The following CTNNA3 variants were observed in gnomAD, a reference collection of about 807,000 sequenced individuals.
CTNNA3 encodes catenin alpha-3.
A neutral mutation model predicts 95.7 loss-of-function variants in CTNNA3; 76 were observed. The observed-to-expected ratio is 0.79, with a 90% CI of 0.66 to 0.96. The LOEUF (loss-of-function observed/expected upper bound fraction) is 0.96. Ranked by LOEUF, CTNNA3 falls within the 40% of genes least tolerant of loss-of-function variation. CTNNA3 has a pLI of 0.00. For synonymous variants in CTNNA3, 431 were observed against 374.4 expected, an observed-to-expected ratio of 1.15 and a Z score of -1.74; for missense variants, 1,191 against 1,089.8, an observed-to-expected ratio of 1.09 and a Z score of -1.31.
chr10:66,908,817 T>C (rs1376480819), intron 7 of CTNNA3, among the ~76,000 whole-genome samples: 1 of 152,132 alleles, frequency 6.6e-6, no homozygotes, highest in Non-Finnish European at 1.5e-5. Context: ...ATGCTAGCAC[T>C]CCCTACACAC....
chr10:66,114,964 G>A (rs10996904), intron 13 of CTNNA3, among the ~76,000 whole-genome samples: 33,256 of 149,270 alleles, frequency 0.22, 3,839 homozygotes, highest in African/African-American at 0.28. Context: ...AATATTATAA[G>A]TGACTTTTCC....
At chr10:66,496,917 T>C (rs1239310345) in intron 11 of CTNNA3, among the ~76,000 whole-genome samples, 1 of 152,094 alleles carries the variant, frequency 6.6e-6, no homozygotes, top group Non-Finnish European at 1.5e-5. Context: ...GTTGAAAGGG[T>C]TTGTTTTCTC....
chr10:66,357,224 A>G (rs2092617904), intron 12 of CTNNA3, among the ~76,000 whole-genome samples: 1 of 152,140 alleles, frequency 6.6e-6, no homozygotes, highest in Non-Finnish European at 1.5e-5. Context: ...GAAACTGTCC[A>G]GGCCTGGAGT....
chr10:67,442,342 A>G (rs914560444), intron 5 of CTNNA3, among the ~76,000 whole-genome samples: 2 of 152,150 alleles, frequency 1.3e-5, no homozygotes, highest in Non-Finnish European at 2.9e-5. Context: ...CAAAATAACA[A>G]TAAGTCCTTA....
At chr10:67,742,243 A>G (rs753191125) in intron 1 of CTNNA3, among the ~76,000 whole-genome samples, 1 of 151,294 alleles carries the variant, frequency 6.6e-6, no homozygotes, top group Non-Finnish European at 1.5e-5. Flanking sequence ...TTTACCACAT[A>G]GTTGGAAGTA....
chr10:67,449,682 T>G (rs1846893543), intron 5 of CTNNA3, among the ~76,000 whole-genome samples: 1 of 152,102 alleles, frequency 6.6e-6, no homozygotes, highest in Non-Finnish European at 1.5e-5. Context: ...AAGACTTAAA[T>G]GTAAAATCCA....
intron 7 of CTNNA3, among the ~76,000 whole-genome samples, chr10:67,105,330 T>C (rs1280418468): frequency 6.6e-6 from 1 of 152,088 alleles, no homozygotes; most frequent in African/African-American, 2.4e-5. Context: ...ATTATTTCTC[T>C]AGAGAGAAAC....
intron 13 of CTNNA3, among the ~76,000 whole-genome samples, chr10:66,106,099 C>T (rs529085180): frequency 2.0e-5 from 3 of 151,564 alleles, no homozygotes; most frequent in East Asian, 2.0e-4. Context: ...CCCAGCTGCT[C>T]GGGAGGCTGA....
At chr10:67,493,217 A>C (rs1402121043) in intron 5 of CTNNA3, among the ~76,000 whole-genome samples, 1 of 151,896 alleles carries the variant, frequency 6.6e-6, no homozygotes. Flanking sequence ...GGGGGAAAAA[A>C]AAAAAAAAGC....
intron 12 of CTNNA3, among the ~76,000 whole-genome samples, chr10:66,354,748 T>C (rs2092595866): frequency 6.6e-6 from 1 of 152,072 alleles, no homozygotes; most frequent in African/African-American, 2.4e-5. Context: ...TCTAAGTCTG[T>C]CACTGTGGGC....
At chr10:66,663,852 A>G (rs574374044) in intron 9 of CTNNA3, among the ~76,000 whole-genome samples, 1 of 152,294 alleles carries the variant, frequency 6.6e-6, no homozygotes, top group African/African-American at 2.4e-5. Context: ...TAAAATTGTT[A>G]CACTGTGAAT....
intron 17 of CTNNA3, among the ~76,000 whole-genome samples, chr10:65,926,513 G>A (rs1245263487): frequency 7.8e-6 from 1 of 128,536 alleles, no homozygotes; most frequent in Non-Finnish European, 1.6e-5. Flanking sequence ...TTTCACTCTT[G>A]TTGCCCAGGC....
intron 11 of CTNNA3, among the ~76,000 whole-genome samples, chr10:66,485,976 G>GA (rs1290464171): frequency 2.6e-5 from 4 of 152,142 alleles, no homozygotes; most frequent in Non-Finnish European, 5.9e-5. Context: ...ACACAATGGG[G>GA]AAAGAACAGT....
intron 5 of CTNNA3, among the ~76,000 whole-genome samples, chr10:67,367,609 C>T (rs1168353192): frequency 2.0e-5 from 3 of 152,160 alleles, no homozygotes; most frequent in Non-Finnish European, 4.4e-5. Context: ...AAAAGACACA[C>T]ACACCCAGAT....
intron 11 of CTNNA3, among the ~76,000 whole-genome samples, chr10:66,393,154 A>G (rs907285934): frequency 6.6e-6 from 1 of 152,172 alleles, no homozygotes; most frequent in African/African-American, 2.4e-5. Context: ...TACATACTGT[A>G]TGATTGCAAT....
chr10:67,594,676 A>G (rs534930823), intron 3 of CTNNA3, among the ~76,000 whole-genome samples: 6 of 151,910 alleles, frequency 3.9e-5, no homozygotes, highest in African/African-American at 1.4e-4. Flanking sequence ...TAGTCTATCA[A>G]TCTTATTTGT....
intron 3 of CTNNA3, among the ~76,000 whole-genome samples, chr10:67,584,133 A>C (rs1435135348): frequency 6.6e-6 from 1 of 152,148 alleles, no homozygotes; most frequent in East Asian, 1.9e-4. Flanking sequence ...CTTTGGAGGA[A>C]AAGAGGTGCT....
At chr10:66,167,211 T>C (rs978317503) in intron 13 of CTNNA3, among the ~76,000 whole-genome samples, 2 of 152,136 alleles carry the variant, frequency 1.3e-5, no homozygotes, top group Admixed American at 1.3e-4. Context: ...GATAAAATGT[T>C]CTACTTTTAA....
At chr10:67,466,703 T>G (rs114339657) in intron 5 of CTNNA3, among the ~76,000 whole-genome samples, 2,586 of 152,240 alleles carry the variant, frequency 0.017, 77 homozygotes, top group African/African-American at 0.057. Context: ...AAGCGGTGTT[T>G]GAAAATCTAA....
Sources: gnomAD v4.1 joint callset for allele counts (sites outside exome capture counted in the v4.1 genomes callset) on GRCh38, gnomAD v4.1.1 for gene constraint, MANE v1.5 for transcripts, NCBI Gene and HGNC (gene_info 2026-07-23, HGNC 2026-07-21) for gene names.